POLR1G: variants seen among roughly 807,000 people sequenced by gnomAD.
POLR1G encodes RNA polymerase I subunit G.
POLR1G carries 9 observed loss-of-function variants against 6.3 expected under a neutral mutation model. That is an observed-to-expected ratio of 1.44 (90% CI 0.87 to 2.51). The LOEUF is 2.51. POLR1G is among the 30% of genes most tolerant of loss of function. The pLI, the probability that POLR1G is intolerant of heterozygous loss-of-function variation, is 0.00. For synonymous variants in POLR1G, 248 were observed against 256.5 expected (o/e 0.97, Z 0.32); for missense variants, 617 against 632.5 (o/e 0.98, Z 0.26).
chr19:45,409,896 T>TA lies in POLR1G; in HGVS notation c.*395_*396insA. On this transcript the variant is annotated 3_prime_UTR_variant, in exon 3 of 3. Transcript: ENST00000309424. ...TTTTAAGTTATTATTATTATTATTATTTTTTTTTTTTTTGAGATGGAGTCT... is the reference window on the plus strand; with the variant it reads ...TTTTAAGTTATTATTATTATTATTATATTTTTTTTTTTTTGAGATGGAGTCT... The TA allele has an allele frequency of 6.3e-6, 1 of 159,368 alleles. No homozygotes were observed. The allele number at this position is 159,368 out of a possible 1,614,324, so 9.9% of individuals were successfully genotyped here. A position where few individuals can be genotyped will look rare whatever the true frequency, so the allele number is the denominator to read the frequency against.
Position 45,409,448 on chromosome 19 carries a change from GC to G in POLR1G, c.1481del (p.Ala494ValfsTer24), listed in dbSNP as rs776702737. The G allele has an allele frequency of 1.9e-5, 31 of 1,612,990 alleles. No individual in the cohort carries two copies. The Admixed American group carries it at 5.2e-4, about 27-fold the overall frequency. ...PPLNSESGEE[A>X]PTGRDKKRKQ... ...ACTGAATTCAGAGTCTGGGGAGGAG[GC>G]TCCCACAGGCCGGGACAAGAAGCGG... On this transcript the variant is annotated frameshift_variant, in exon 3 of 3. Transcript: ENST00000309424. LOFTEE classifies it low-confidence loss of function (END_TRUNC).
At position 45,407,161 on chromosome 19, in the gene POLR1G, C is replaced by T; in HGVS notation, c.90C>T (p.Phe30=). 6.2e-7 allele frequency: 1 copy of T among 1,612,862 alleles called. No individual in the cohort carries two copies. Among genetic ancestry groups the T allele is most frequent in the Non-Finnish European group, 8.5e-7 (1 of 1,179,704 alleles). ...CCCCAGCCTCAGAGTCCCCTCGTTT[C>T]TCCTTGGAGGCGCTGACGGGTCCAG... The part of the protein sequence containing the change: ...AKPPASESPR[F]SLEALTGPDT... Residue 30 remains phenylalanine (F), a synonymous_variant, in exon 2 of 3, where the codon TTC becomes TTT. Transcript: ENST00000309424.
In POLR1G at chr19:45,410,132, C is replaced by G. The variant is rs1450686340; in HGVS notation, c.*631C>G. On this transcript the variant is annotated 3_prime_UTR_variant, in exon 3 of 3. Coordinates refer to ENST00000309424, the MANE Select transcript of POLR1G (RefSeq NM_012099.3). ...TCGATCTCCTGACCTCCTGATGCGC[C>G]TGCCTCAGCCTCCCAGTGCTGGGAT... 1 of 154,956 alleles carries G rather than the reference C, an allele frequency of 6.5e-6. No individual in the cohort carries two copies. The highest frequency in any genetic ancestry group is 6.6e-5 in the Admixed American group (1 of 15,256). The allele number at this position is 154,956 out of a possible 1,614,324, so 9.6% of individuals were successfully genotyped here. A position where few individuals can be genotyped will look rare whatever the true frequency, so the allele number is the denominator to read the frequency against.
In POLR1G at chr19:45,409,240, G is replaced by T; in HGVS notation, c.1272G>T (p.Lys424Asn). ...PQAAPTSTKK[K>N]KKKKERGHTV... ...CAGCTCCCACATCCACCAAGAAGAA[G>T]AAGAAGAAGAAAGAGAGAGGTCACA... Residue 424 changes from lysine to asparagine, a missense_variant, in exon 3 of 3, where the codon AAG (lysine) becomes AAT (asparagine). By Grantham distance (94) the Lys-to-Asn change is moderately conservative. Transcript: ENST00000309424. 6.2e-7 allele frequency: 1 copy of T among 1,611,622 alleles called. No individual in the cohort carries two copies. Among genetic ancestry groups the T allele is most frequent in the Non-Finnish European group, 8.5e-7 (1 of 1,178,078 alleles).
rs774090319 is a variant in POLR1G, at chr19:45,409,380, G to A, written c.1412G>A (p.Arg471Gln). The change falls in exon 3 of 3, where the codon CGG (arginine) becomes CAG (glutamine). Residue 471 changes from arginine to glutamine, a missense_variant. Coordinates refer to ENST00000309424, the MANE Select transcript of POLR1G (RefSeq NM_012099.3). ...KKRKKQSQES[R>Q]MPETVPQEEM... ...AGGAAGAAGCAGAGTCAGGAAAGCC[G>A]GATGCCAGAGACAGTGCCCCAAGAG... The A allele has an allele frequency of 2.5e-5, 40 of 1,613,934 alleles. 1 individual carries two copies. Among genetic ancestry groups the A allele is most frequent in the Non-Finnish European group, 2.5e-5 (29 of 1,179,996 alleles).
rs1470801291 is a variant in POLR1G at position 45,406,833 on chromosome 19, G to A, written c.22+115G>A. 9.0e-7 allele frequency: 1 copy of A among 1,113,594 alleles called. No homozygotes were observed. Among genetic ancestry groups the A allele is most frequent in the Non-Finnish European group, 1.2e-6 (1 of 806,434 alleles). The allele number at this position is 1,113,594 out of a possible 1,614,324, so 69.0% of individuals were successfully genotyped here. ...CCTGCAAGCAGGACTTGCGAAGAGC[G>A]TGCATTCCCAGTGGGCGAACGGGAA... is the stretch of plus-strand genomic sequence containing the variant. On this transcript the variant is annotated intron_variant, in intron 1 of 2. Coordinates refer to ENST00000309424, the MANE Select transcript of POLR1G (RefSeq NM_012099.3). This position sits in a 1 kb window ranked among gnomAD's most constrained non-coding sequence, Gnocchi z 4.2.
Position 45,408,937 on chromosome 19 carries a change from T to C in POLR1G, c.969T>C (p.Pro323=). The change falls in exon 3 of 3, where the codon CCT becomes CCC. Residue 323 remains proline, a synonymous_variant. Transcript: ENST00000309424. ...VKVEPLEEAI[P]LPPTKKRKKE... is the part of the protein sequence containing the mutation. ...TGGAGCCACTGGAGGAAGCCATCCC[T>C]CTGCCCCCTACGAAGAAGAGGAAAA... The C allele has an allele frequency of 6.2e-7, 1 of 1,613,952 alleles. No homozygotes were observed. The highest frequency in any genetic ancestry group is 8.5e-7 in the Non-Finnish European group (1 of 1,179,970).
At chr19:45,407,750 CAT>C in intron 2 of POLR1G, 1 of 252,350 alleles carries the variant, frequency 4.0e-6, no homozygotes, top group South Asian at 1.3e-4. Flanking sequence ...TCACTCTAGT[CAT>C]GTTTTATTAA....
In POLR1G at chr19:45,408,823, C is replaced by T. The variant is rs777247662; in HGVS notation, c.855C>T (p.Ser285=). 4 of 1,613,878 alleles carry T rather than the reference C, an allele frequency of 2.5e-6. No homozygotes were observed. In the South Asian group the frequency reaches 3.3e-5, roughly 13 times the overall value. The change falls in exon 3 of 3, where the codon TCC becomes TCT. Residue 285 remains serine, a synonymous_variant. Coordinates refer to ENST00000309424, the MANE Select transcript of POLR1G (RefSeq NM_012099.3). ...AGCCTCTAGAAGACACAGTCCTGTC[C>T]CCGACCAAAAAGAGAAAGAGGCAAA... ...NTEPLEDTVL[S]PTKKRKRQKG... is the part of the protein sequence containing the mutation.
rs747797856 is a variant in POLR1G, at chr19:45,408,802, T to C, written c.834T>C (p.Pro278=). 6.2e-7 allele frequency: 1 copy of C among 1,613,450 alleles called. No homozygotes were observed. Among genetic ancestry groups the C allele is most frequent in the South Asian group, 1.1e-5 (1 of 91,060 alleles). Residue 278 remains proline (P), a synonymous_variant, in exon 3 of 3, where the codon CCT becomes CCC. Coordinates refer to ENST00000309424, the MANE Select transcript of POLR1G (RefSeq NM_012099.3). ...TVKQEQINTE[P]LEDTVLSPTK... ...AGCAGGAACAGATTAACACTGAGCC[T>C]CTAGAAGACACAGTCCTGTCCCCGA... is the stretch of plus-strand genomic sequence containing the variant.
Position 45,406,835 on chromosome 19 carries a change from G to T in POLR1G, c.22+117G>T. ...TGCAAGCAGGACTTGCGAAGAGCGT[G>T]CATTCCCAGTGGGCGAACGGGAATT... On this transcript the variant is annotated intron_variant, in intron 1 of 2. Coordinates refer to ENST00000309424, the MANE Select transcript of POLR1G (RefSeq NM_012099.3). The surrounding 1 kb of genome is among the most constrained non-coding windows in gnomAD (Gnocchi z 4.2). 1 of 1,110,564 alleles carries T rather than the reference G, an allele frequency of 9.0e-7. No individual in the cohort carries two copies. The highest frequency in any genetic ancestry group is 2.9e-5 in the East Asian group (1 of 33,944). The allele number at this position is 1,110,564 out of a possible 1,614,324, so 68.8% of individuals were successfully genotyped here.
Position 45,408,987 on chromosome 19 carries a change from T to C in POLR1G, c.1019T>C (p.Met340Thr). 1 of 1,613,840 alleles carries C rather than the reference T, an allele frequency of 6.2e-7. No individual in the cohort carries two copies. Among genetic ancestry groups the C allele is most frequent in the Non-Finnish European group, 8.5e-7 (1 of 1,179,932 alleles). ...RKKEKGQMAM[M>T]EPGTEAMEPV... The stretch of plus-strand genomic sequence containing the variant: ...AAAGAAAAGGGACAGATGGCAATGA[T>C]GGAGCCAGGGACGGAGGCGATGGAG... The change falls in exon 3 of 3, where the codon ATG (methionine) becomes ACG (threonine). Residue 340 changes from methionine (M) to threonine (T), a missense_variant. Met to Thr is a moderately conservative substitution (Grantham distance 81). Coordinates refer to ENST00000309424, the MANE Select transcript of POLR1G (RefSeq NM_012099.3).
In POLR1G at chr19:45,409,892, A is replaced by ATTTTTTTTT. The variant is rs200386912; in HGVS notation, c.*393_*394insTTTTTTTTT. On this transcript the variant is annotated 3_prime_UTR_variant, in exon 3 of 3. Transcript: ENST00000309424. ...ATCTTTTTAAGTTATTATTATTATT[A>ATTTTTTTTT]TTATTTTTTTTTTTTTTGAGATGGA... The ATTTTTTTTT allele has an allele frequency of 2.4e-3, 498 of 206,066 alleles. 5 individuals are homozygous for ATTTTTTTTT. The highest frequency in any genetic ancestry group is 6.3e-3 in the South Asian group (31 of 4,954). 12.8% of individuals were successfully genotyped at this position (206,066 alleles called of 1,614,324 possible). A position where few individuals can be genotyped will look rare whatever the true frequency, so the allele number is the denominator to read the frequency against.
chr19:45,406,650 G>T lies in POLR1G; in HGVS notation c.-47G>T, dbSNP rs770371937. On this transcript the variant is annotated 5_prime_UTR_variant, in exon 1 of 3. Transcript: ENST00000309424. The surrounding 1 kb of genome is among the most constrained non-coding windows in gnomAD (Gnocchi z 4.2). Reference sequence around the variant, plus strand: ...TTGGATCCACGTGGTCTGCAACCTGGTGCGAGCAGCCCGGGCTACAGGGTT... The same window carrying T: ...TTGGATCCACGTGGTCTGCAACCTGTTGCGAGCAGCCCGGGCTACAGGGTT... The T allele has an allele frequency of 6.5e-7, 1 of 1,546,606 alleles. No individual in the cohort carries two copies. Among genetic ancestry groups the T allele is most frequent in the Admixed American group, 2.0e-5 (1 of 50,404 alleles).
In POLR1G at chr19:45,408,744, A is replaced by C. The variant is rs735482; in HGVS notation, c.776A>C (p.Lys259Thr). Residue 259 changes from lysine (K) to threonine (T), a missense_variant, in exon 3 of 3, where the codon AAA becomes ACA. Lys to Thr is a moderately conservative substitution (Grantham distance 78, BLOSUM62 -1). Coordinates refer to ENST00000309424, the MANE Select transcript of POLR1G (RefSeq NM_012099.3). ...AAGAAGAGGAAGAAGCCCAAAGGGAAAGAAACCTTCGAGCCAGAAGACAAG... is the reference window on the plus strand; with the variant it reads ...AAGAAGAGGAAGAAGCCCAAAGGGACAGAAACCTTCGAGCCAGAAGACAAG... ...TTKKRKKPKG[K>T]ETFEPEDKTV... 270,785 of 1,613,634 alleles carry C rather than the reference A, an allele frequency of 0.17. 26,721 individuals carry two copies. Among genetic ancestry groups the C allele is most frequent in the East Asian group, 0.46 (20,594 of 44,842 alleles).
At position 45,409,109 on chromosome 19, in the gene POLR1G, G is replaced by A; in HGVS notation, c.1141G>A (p.Ala381Thr). The change falls in exon 3 of 3, where the codon GCA (alanine) becomes ACA (threonine). Residue 381 changes from alanine (A) to threonine (T), a missense_variant. Physicochemically the swap from Ala to Thr is moderately conservative, Grantham distance 58. Transcript: ENST00000309424. ...GAKPQAQAAL[A>T]APKKKTKKEK... ...GAAGCCTCAGGCCCAGGCAGCTCTG[G>A]CAGCTCCCAAAAAGAAGACGAAGAA... is the stretch of plus-strand genomic sequence containing the variant. The A allele has an allele frequency of 6.2e-7, 1 of 1,613,192 alleles. No individual in the cohort carries two copies. The highest frequency in any genetic ancestry group is 8.5e-7 in the Non-Finnish European group (1 of 1,179,386).
rs781105455 is a variant in POLR1G at position 45,408,527 on chromosome 19, A to C, written c.559A>C (p.Thr187Pro). ...GATGCAGGTGACAGAGGCCCCAGTCACTCAGGAGGCAGTGAATGGGCACGG... is the reference window on the plus strand; with the variant it reads ...GATGCAGGTGACAGAGGCCCCAGTCCCTCAGGAGGCAGTGAATGGGCACGG... ...KEMQVTEAPV[T>P]QEAVNGHGAL... Residue 187 changes from threonine to proline, a missense_variant, in exon 3 of 3, where the codon ACT becomes CCT. By Grantham distance (38) the Thr-to-Pro change is conservative. Transcript: ENST00000309424. The C allele has an allele frequency of 8.7e-6, 14 of 1,613,996 alleles. No homozygotes were observed. Among genetic ancestry groups the C allele is most frequent in the Non-Finnish European group, 1.0e-5 (12 of 1,179,994 alleles).
In POLR1G at chr19:45,408,682, A is replaced by T; in HGVS notation, c.714A>T (p.Thr238=). 6.2e-7 allele frequency: 1 copy of T among 1,614,006 alleles called. No homozygotes were observed. Among genetic ancestry groups the T allele is most frequent in the Non-Finnish European group, 8.5e-7 (1 of 1,180,018 alleles). The change falls in exon 3 of 3, where the codon ACA becomes ACT. Residue 238 remains threonine, a synonymous_variant. Transcript: ENST00000309424. ...TGGGGACAGAGCCCACAGTGGAGACACTGGAGCCTCTGGGAGTGCTGTTCC... is the reference window on the plus strand; with the variant it reads ...TGGGGACAGAGCCCACAGTGGAGACTCTGGAGCCTCTGGGAGTGCTGTTCC... ...GPVGTEPTVE[T]LEPLGVLFPS...
In POLR1G at chr19:45,408,338, T is replaced by C. The variant is rs754240207; in HGVS notation, c.370T>C (p.Ser124Pro). 1.2e-6 allele frequency: 2 copies of C among 1,608,606 alleles called. No individual in the cohort carries two copies. The highest frequency in any genetic ancestry group is 8.5e-7 in the Non-Finnish European group (1 of 1,176,282). The stretch of plus-strand genomic sequence containing the variant: ...AAGGATCCTTGAGGGTCCCCAGCAA[T>C]CCCTGTCAGGGAGCCCTCTGCAGCC... ...TLRILEGPQQ[S>P]LSGSPLQPIP... Residue 124 changes from serine to proline, a missense_variant, in exon 3 of 3, where the codon TCC becomes CCC. By Grantham distance (74) the Ser-to-Pro change is moderately conservative. Coordinates refer to ENST00000309424, the MANE Select transcript of POLR1G (RefSeq NM_012099.3).
Sources: allele counts gnomAD v4.1 joint callset, GRCh38; gene constraint gnomAD v4.1.1; non-coding constraint Gnocchi (gnomAD v3.1); transcripts MANE v1.5; gene names NCBI Gene and HGNC (gene_info 2026-07-23, HGNC 2026-07-21).